Variants in BLTP1 observed in about 807,000 individuals in gnomAD.
BLTP1 encodes bridge-like lipid transfer protein family member 1.
the BLTP1 span, chr4:122,309,530 T>G: frequency 6.7e-7 from 1 of 1,483,892 alleles, no homozygotes; most frequent in Non-Finnish European, 9.2e-7. Flanking sequence ...TCTCCATTTG[T>G]GAAATTAAAA....
At chr4:122,296,766 A>G in the BLTP1 span, among the ~76,000 whole-genome samples, 2 of 152,284 alleles carry the variant, frequency 1.3e-5, no homozygotes, top group African/African-American at 4.8e-5. Flanking sequence ...AAGACCACAC[A>G]CCTACAACCA....
chr4:122,333,988 T>G, the BLTP1 span, among the ~76,000 whole-genome samples: 1 of 152,086 alleles, frequency 6.6e-6, no homozygotes, highest in African/African-American at 2.4e-5. Flanking sequence ...TTCATTTATG[T>G]AGCATTTTCC....
At chr4:122,328,553 CATT>C in the BLTP1 span, 7 of 639,234 alleles carry the variant, frequency 1.1e-5, no homozygotes, top group Non-Finnish European at 1.4e-5. Context: ...CTCCATATAA[CATT>C]ATTTTTTAAA....
the BLTP1 span, chr4:122,196,703 C>G: frequency 6.2e-7 from 1 of 1,611,944 alleles, no homozygotes; most frequent in Non-Finnish European, 8.5e-7. Context: ...ATTGCACAGC[C>G]TGGGAGACCA....
At chr4:122,154,324 C>A in the BLTP1 span, 3 of 984,882 alleles carry the variant, frequency 3.0e-6, no homozygotes, top group Non-Finnish European at 3.6e-6. Context: ...TTCTGACTTT[C>A]TGCTTCAGTT....
the BLTP1 span, chr4:122,152,386 T>C: frequency 1.0e-6 from 1 of 985,724 alleles, no homozygotes; most frequent in Non-Finnish European, 1.2e-6. Flanking sequence ...CCCCCTTGGG[T>C]GTCGGTGGCT....
chr4:122,199,749 CTTCTAAG>C, the BLTP1 span: 1 of 228,150 alleles, frequency 4.4e-6, no homozygotes, highest in African/African-American at 2.3e-5. Flanking sequence ...GATTAAATCT[CTTCTAAG>C]TTCTAAGTAA....
At chr4:122,309,947 T>C in the BLTP1 span, among the ~76,000 whole-genome samples, 1 of 152,056 alleles carries the variant, frequency 6.6e-6, no homozygotes, top group Non-Finnish European at 1.5e-5. Context: ...ATATTCAAGG[T>C]TGGGTATAAC....
At chr4:122,203,297 T>C in the BLTP1 span, among the ~76,000 whole-genome samples, 35 of 151,986 alleles carry the variant, frequency 2.3e-4, no homozygotes, top group African/African-American at 7.9e-4. Context: ...AAATATAATA[T>C]AGAGCCTCAG....
chr4:122,336,122 TA>T, the BLTP1 span: 2 of 1,298,438 alleles, frequency 1.5e-6, no homozygotes, highest in South Asian at 3.1e-5. Context: ...TAAACTTTAA[TA>T]TAATTCAAAT....
At chr4:122,247,131 C>T in the BLTP1 span, 4 of 1,589,744 alleles carry the variant, frequency 2.5e-6, no homozygotes, top group South Asian at 1.1e-5. Flanking sequence ...AAATGTTAAA[C>T]ATTTTACTCT....
the BLTP1 span, among the ~76,000 whole-genome samples, chr4:122,202,891 TA>T: frequency 7.2e-5 from 11 of 152,032 alleles, no homozygotes; most frequent in Non-Finnish European, 1.0e-4. Flanking sequence ...CTCTTTTGGT[TA>T]TTTTTTTAAT....
the BLTP1 span, among the ~76,000 whole-genome samples, chr4:122,275,705 T>C: frequency 6.6e-6 from 1 of 152,120 alleles, no homozygotes; most frequent in Non-Finnish European, 1.5e-5. Flanking sequence ...CAAGTAAAGA[T>C]CCCTTAACTG....
At chr4:122,260,609 C>G in the BLTP1 span, among the ~76,000 whole-genome samples, 1 of 151,988 alleles carries the variant, frequency 6.6e-6, no homozygotes, top group African/African-American at 2.4e-5. Flanking sequence ...AACAGATACT[C>G]ATACGGCATT....
chr4:122,159,281 G>T, the BLTP1 span, among the ~76,000 whole-genome samples: 1 of 151,970 alleles, frequency 6.6e-6, no homozygotes, highest in Non-Finnish European at 1.5e-5. Context: ...GGCTAACATG[G>T]TGAAACCCCG....
the BLTP1 span, chr4:122,226,443 T>A: frequency 8.2e-7 from 1 of 1,218,788 alleles, no homozygotes; most frequent in African/African-American, 1.6e-5. Flanking sequence ...GCGTTAAAAG[T>A]TGCTGAAGTG....
chr4:122,280,233 A>AT, the BLTP1 span: 1 of 970,386 alleles, frequency 1.0e-6, no homozygotes, highest in Non-Finnish European at 1.2e-6. Context: ...GATCCTAGAG[A>AT]TTTGTGGGTA....
At chr4:122,173,574 GAACA>G in the BLTP1 span, among the ~76,000 whole-genome samples, 1 of 152,112 alleles carries the variant, frequency 6.6e-6, no homozygotes, top group Non-Finnish European at 1.5e-5. Context: ...GTTTTAGAGG[GAACA>G]AACATTCAAA....
At chr4:122,164,860 C>T in the BLTP1 span, among the ~76,000 whole-genome samples, 1 of 151,986 alleles carries the variant, frequency 6.6e-6, no homozygotes, top group East Asian at 1.9e-4. Flanking sequence ...TAATGAAATA[C>T]ACCCATGTCT....
Sources: allele counts gnomAD v4.1 joint callset (sites outside exome capture counted in the v4.1 genomes callset), GRCh38; gene constraint gnomAD v4.1.1; transcripts MANE v1.5; gene names NCBI Gene and HGNC (gene_info 2026-07-23, HGNC 2026-07-21).